ARGLU1: variants seen among roughly 807,000 people sequenced by gnomAD.
The protein encoded by ARGLU1 is arginine and glutamate-rich protein 1.
Under a neutral mutation model 37.6 loss-of-function variants are expected in ARGLU1, and 9 were observed. The observed-to-expected ratio is 0.24, with a 90% confidence interval of 0.14 to 0.42. The LOEUF (loss-of-function observed/expected upper bound fraction) is 0.42, where lower values mean the gene tolerates loss of function less well. Among genes scored for constraint, ARGLU1 ranks in the 10% least tolerant of loss-of-function variants. The probability of loss-of-function intolerance (pLI) is 1.00; values close to 1 mark genes in which losing one functional copy is unlikely to be tolerated. For synonymous variants in ARGLU1, 166 were observed against 138.5 expected, an observed-to-expected ratio of 1.20 and a Z score of -1.39; for missense variants, 211 against 359.2, an observed-to-expected ratio of 0.59 and a Z score of 3.34.
chr13:106,541,683 G>T lies in ARGLU1; in HGVS notation c.*2313C>A, dbSNP rs1324698661. Reference sequence around the variant, plus strand: ...GTCCTCACACCAAGCTAATTTAAAGGTTTAGTTTATACAATTGATAATTCT... The same window carrying T: ...GTCCTCACACCAAGCTAATTTAAAGTTTTAGTTTATACAATTGATAATTCT... On this transcript the variant is annotated 3_prime_UTR_variant, in exon 4 of 4. Transcript: ENST00000400198. The T allele has an allele frequency of 6.6e-6, 1 of 151,906 alleles. No individual in the cohort carries two copies. The highest frequency in any genetic ancestry group is 1.9e-4 in the East Asian group (1 of 5,190). 9.4% of individuals were successfully genotyped at this position (151,906 alleles called of 1,614,324 possible).
At chr13:106,544,390 T>C (rs939724948) in intron 3 of ARGLU1, among the ~76,000 whole-genome samples, 2 of 151,988 alleles carry the variant, frequency 1.3e-5, no homozygotes, top group Non-Finnish European at 2.9e-5. Flanking sequence ...GAAGGTCACA[T>C]AGTTTGGTAG....
At chr13:106,558,253 T>C in intron 2 of ARGLU1, 13 of 983,704 alleles carry the variant, frequency 1.3e-5, no homozygotes, top group Non-Finnish European at 1.4e-5. Flanking sequence ...CTGATATAAA[T>C]AAAAATTTCA....
At chr13:106,564,241 C>G (rs1284774505) in intron 1 of ARGLU1, among the ~76,000 whole-genome samples, 2 of 152,196 alleles carry the variant, frequency 1.3e-5, no homozygotes, top group Non-Finnish European at 2.9e-5. Context: ...CAGGCTCGGT[C>G]TGGCTCCATG....
intron 1 of ARGLU1, among the ~76,000 whole-genome samples, chr13:106,565,052 T>G (rs113695378): frequency 6.6e-6 from 1 of 152,204 alleles, no homozygotes; most frequent in Non-Finnish European, 1.5e-5. Context: ...ACTACTCCTG[T>G]GTAAACTTCT....
intron 3 of ARGLU1, among the ~76,000 whole-genome samples, chr13:106,550,994 A>T (rs1458842141): frequency 5.3e-5 from 8 of 152,232 alleles, no homozygotes; most frequent in Non-Finnish European, 1.5e-5. Flanking sequence ...ATCATTAAAC[A>T]TCGTTCTCCA....
chr13:106,548,162 CT>C (rs1407966052), intron 3 of ARGLU1, among the ~76,000 whole-genome samples: 1 of 152,108 alleles, frequency 6.6e-6, no homozygotes, highest in Admixed American at 6.5e-5. Context: ...AGGCATAAAT[CT>C]TAATTACACT....
chr13:106,549,005 C>T (rs1407202071), intron 3 of ARGLU1, among the ~76,000 whole-genome samples: 2 of 152,200 alleles, frequency 1.3e-5, no homozygotes, highest in Admixed American at 6.5e-5. Context: ...CCTGCCCTGG[C>T]CTCCCAAAGT....
chr13:106,549,822 AAGG>A (rs1880489202), intron 3 of ARGLU1, among the ~76,000 whole-genome samples: 1 of 152,232 alleles, frequency 6.6e-6, no homozygotes, highest in East Asian at 1.9e-4. Context: ...ACTGTTTCAA[AAGG>A]AGGAAGTGAC....
rs1443905075 is a variant in ARGLU1 at position 106,542,592 on chromosome 13, T to C, written c.*1404A>G. ...CACAAAATAATCTACCATTTAGTCA[T>C]CTCTTTAGCTTATGTTTTCAATTTT... On this transcript the variant is annotated 3_prime_UTR_variant, in exon 4 of 4. Transcript: ENST00000400198. 2.0e-5 allele frequency: 3 copies of C among 152,096 alleles called. No homozygotes were observed. The highest frequency in any genetic ancestry group is 7.2e-5 in the African/African-American group (3 of 41,448). The allele number at this position is 152,096 out of a possible 1,614,324, so 9.4% of individuals were successfully genotyped here.
chr13:106,555,727 G>C, intron 3 of ARGLU1, among the ~76,000 whole-genome samples: 1 of 152,066 alleles, frequency 6.6e-6, no homozygotes, highest in Non-Finnish European at 1.5e-5. Context: ...AATAATAGAG[G>C]ACTGTAAGAA....
Position 106,557,713 on chromosome 13 carries a change from T to A in ARGLU1, c.574-582A>T. 1 of 1,436,694 alleles carries A rather than the reference T, an allele frequency of 7.0e-7. No individual in the cohort carries two copies. The highest frequency in any genetic ancestry group is 9.2e-7 in the Non-Finnish European group (1 of 1,082,326). The allele number at this position is 1,436,694 out of a possible 1,614,324, so 89.0% of individuals were successfully genotyped here. A position where few individuals can be genotyped will look rare whatever the true frequency, so the allele number is the denominator to read the frequency against. Reference sequence around the variant, plus strand: ...ATACAAGGAAGGCTGAGCTGAGGAATGCAGATGTTTATGGTAAGAAGGAAC... The same window carrying A: ...ATACAAGGAAGGCTGAGCTGAGGAAAGCAGATGTTTATGGTAAGAAGGAAC... On this transcript the variant is annotated intron_variant, in intron 2 of 3. Transcript: ENST00000400198. The surrounding 1 kb of genome is among the most constrained non-coding windows in gnomAD (Gnocchi z 5.0).
chr13:106,549,783 T>G (rs1210835097), intron 3 of ARGLU1, among the ~76,000 whole-genome samples: 1 of 152,208 alleles, frequency 6.6e-6, no homozygotes, highest in African/African-American at 2.4e-5. Flanking sequence ...AATATCTCCA[T>G]GGATTCCATG....
intron 3 of ARGLU1, among the ~76,000 whole-genome samples, chr13:106,555,612 A>C (rs970708707): frequency 2.0e-5 from 3 of 152,234 alleles, no homozygotes; most frequent in African/African-American, 7.2e-5. Flanking sequence ...TAAAAAACAA[A>C]AACAGAACTT....
intron 3 of ARGLU1, among the ~76,000 whole-genome samples, chr13:106,556,522 A>AAC (rs1428229732): frequency 1.3e-5 from 2 of 150,372 alleles, no homozygotes; most frequent in Non-Finnish European, 3.0e-5. Flanking sequence ...TATACCATGT[A>AAC]ACTGGAGCTT....
chr13:106,549,019 G>A (rs1880466279), intron 3 of ARGLU1, among the ~76,000 whole-genome samples: 1 of 152,176 alleles, frequency 6.6e-6, no homozygotes. Context: ...CCAAAGTGCT[G>A]GGATTACAGG....
chr13:106,555,194 C>A (rs1042345569), intron 3 of ARGLU1, among the ~76,000 whole-genome samples: 1 of 151,962 alleles, frequency 6.6e-6, no homozygotes, highest in African/African-American at 2.4e-5. Context: ...CCCATCTCTA[C>A]TAAAACAGAA....
At chr13:106,559,966 T>G (rs925940532) in intron 1 of ARGLU1, among the ~76,000 whole-genome samples, 3 of 152,212 alleles carry the variant, frequency 2.0e-5, no homozygotes, top group African/African-American at 4.8e-5. Context: ...ACCTATTCTG[T>G]TATTGACTTT....
rs748416140 is a variant in ARGLU1, at chr13:106,559,582, C to T, written c.423G>A (p.Arg141=). Residue 141 remains arginine, a synonymous_variant, in exon 2 of 4, where the codon AGG becomes AGA. Transcript: ENST00000400198. ...ARRVEELVAK[R]VEEELEKRKD... ...TCCTTTTCTCCAGTTCTTCCTCCAC[C>T]CTTTTTGCTACCAATTCTTCTACTC... The T allele has an allele frequency of 2.2e-5, 36 of 1,614,172 alleles. No individual in the cohort carries two copies. Among genetic ancestry groups the T allele is most frequent in the Non-Finnish European group, 2.9e-5 (34 of 1,180,034 alleles).
rs1881001010 is a variant in ARGLU1, at chr13:106,567,461, C to T, written c.347+112G>A. 1 of 758,526 alleles carries T rather than the reference C, an allele frequency of 1.3e-6. No homozygotes were observed. The allele number at this position is 758,526 out of a possible 1,614,324, so 47.0% of individuals were successfully genotyped here. ...CCCGTTCCCGCGCCCGGTCCCCAGC[C>T]CCGGACCGTCCCCGCCATTCTCCCG... is the stretch of plus-strand genomic sequence containing the variant. On this transcript the variant is annotated intron_variant, in intron 1 of 3. Coordinates refer to ENST00000400198, the MANE Select transcript of ARGLU1 (RefSeq NM_018011.4). This position sits in a 1 kb window ranked among gnomAD's most constrained non-coding sequence, Gnocchi z 4.3.
Sources: gnomAD v4.1 joint callset for allele counts (sites outside exome capture counted in the v4.1 genomes callset) on GRCh38, gnomAD v4.1.1 for gene constraint, Gnocchi (gnomAD v3.1) non-coding constraint, MANE v1.5 for transcripts, NCBI Gene and HGNC (gene_info 2026-07-23, HGNC 2026-07-21) for gene names.